The following ZNF148 variants were observed in gnomAD, a reference collection of about 807,000 sequenced individuals.
The protein encoded by ZNF148 is Beta-Enolase Repressor Factor-1.
ZNF148 carries 7 observed loss-of-function variants against 67.7 expected under a neutral mutation model. The ratio of observed to expected loss-of-function variants is 0.10; its 90% confidence interval spans 0.06 to 0.19. The LOEUF (loss-of-function observed/expected upper bound fraction) is 0.19. ZNF148 is among the 10% of genes least tolerant of loss of function. ZNF148 has a pLI of 1.00. For missense variants in ZNF148, 583 were observed against 947.1 expected, an observed-to-expected ratio of 0.62 and a Z score of 5.05; for synonymous variants, 333 against 330.7, an observed-to-expected ratio of 1.01 and a Z score of -0.08.
At chr3:125,368,675 T>C (rs1579920180) in intron 1 of ZNF148, among the ~76,000 whole-genome samples, 1 of 151,980 alleles carries the variant, frequency 6.6e-6, no homozygotes, top group Admixed American at 6.6e-5. Flanking sequence ...CCGGGTGTGA[T>C]GACTCATGCC....
intron 7 of ZNF148, among the ~76,000 whole-genome samples, chr3:125,244,845 C>A (rs1006598966): frequency 4.6e-5 from 7 of 152,060 alleles, no homozygotes; most frequent in Admixed American, 1.3e-4. Context: ...CAAAGTGATC[C>A]CTTTCTTTTT....
chr3:125,244,435 CAAA>C (rs1187012633), intron 7 of ZNF148, among the ~76,000 whole-genome samples: 1 of 152,152 alleles, frequency 6.6e-6, no homozygotes, highest in East Asian at 1.9e-4. Context: ...CCCACCATAT[CAAA>C]ATGGTTCTTG....
At chr3:125,319,051 C>A (rs1170117708) in intron 3 of ZNF148, among the ~76,000 whole-genome samples, 1 of 152,006 alleles carries the variant, frequency 6.6e-6, no homozygotes, top group East Asian at 1.9e-4. Flanking sequence ...GTGTTTAGTT[C>A]AGCTGTGTAA....
intron 7 of ZNF148, among the ~76,000 whole-genome samples, chr3:125,258,721 T>G (rs1431520763): frequency 3.3e-5 from 5 of 152,206 alleles, no homozygotes; most frequent in African/African-American, 1.2e-4. Flanking sequence ...GTAGTAAACT[T>G]TTATTTTAAG....
At position 125,303,097 on chromosome 3, in the gene ZNF148, AAT is replaced by A. The variant is rs1939681973; in HGVS notation, c.333+10209_333+10210del. Among the ~76,000 whole-genome samples the A allele has an allele frequency of 8.5e-5, 13 of 152,354 alleles. No individual in the cohort carries two copies. In the South Asian group the frequency reaches 2.7e-3, roughly 32 times the overall value. ...CAAGAGCATTACGTTGAGTGAAAAA[AAT>A]AGTCAATTCCAAAAGGTCACATCCT... On this transcript the variant is annotated intron_variant, in intron 4 of 8. Transcript: ENST00000360647.
At chr3:125,369,098 C>A (rs924727712) in intron 1 of ZNF148, among the ~76,000 whole-genome samples, 1 of 151,350 alleles carries the variant, frequency 6.6e-6, no homozygotes, top group African/African-American at 2.4e-5. Context: ...CGTGTCTCTA[C>A]TTAAAATACA....
At chr3:125,351,380 CAAAAAAAAAAAA>C (rs1158167448) in intron 1 of ZNF148, among the ~76,000 whole-genome samples, 1 of 51,340 alleles carries the variant, frequency 1.9e-5, no homozygotes, top group East Asian at 6.8e-4. Context: ...CCTTGTTTCT[CAAAAAAAAAAAA>C]AAAAAAAAAA....
At chr3:125,296,266 C>T (rs981865936) in intron 4 of ZNF148, among the ~76,000 whole-genome samples, 1 of 152,020 alleles carries the variant, frequency 6.6e-6, no homozygotes, top group Non-Finnish European at 1.5e-5. Context: ...GGACTACAGA[C>T]ATGTACCACC....
At chr3:125,333,882 A>C (rs1447134833) in intron 1 of ZNF148, among the ~76,000 whole-genome samples, 1 of 152,230 alleles carries the variant, frequency 6.6e-6, no homozygotes, top group African/African-American at 2.4e-5. Context: ...AAATATCCTA[A>C]ATCAAACCAC....
chr3:125,328,400 C>T (rs1241611101), intron 2 of ZNF148, among the ~76,000 whole-genome samples: 2 of 151,982 alleles, frequency 1.3e-5, no homozygotes, highest in African/African-American at 4.8e-5. Context: ...TGACAAGAGG[C>T]TCACAAAGAA....
chr3:125,292,876 G>A (rs1393193721), intron 4 of ZNF148: 1 of 152,046 alleles, frequency 6.6e-6, no homozygotes, highest in East Asian at 1.9e-4. Context: ...TTTTACAGAG[G>A]CTAATTAAAA....
At chr3:125,287,998 A>G in intron 5 of ZNF148, 105 bp downstream of exon 5, 1 of 1,533,984 alleles carries the variant, frequency 6.5e-7, no homozygotes, top group East Asian at 2.3e-5. Context: ...TAAACCACAC[A>G]AGACTTCTAC....
Position 125,232,622 on chromosome 3 carries a change from T to C in ZNF148, c.2104A>G (p.Thr702Ala). Reference protein sequence around the residue: ...DETNHASATSTQDFLDQVTSQ... With the variant: ...DETNHASATSAQDFLDQVTSQ... ...GTCACTTGATCCAGAAAGTCCTGTG[T>C]TGATGTGGCAGAAGCATGGTTTGTC... Residue 702 changes from threonine to alanine, a missense_variant, in exon 9 of 9, where the codon ACA (threonine) becomes GCA (alanine). Physicochemically the swap from Thr to Ala is moderately conservative, Grantham distance 58. Around this residue, in one of 5 missense-constraint regions of ZNF148, gnomAD observed 158 missense variants for 208.4 expected, o/e 0.76. Coordinates refer to ENST00000360647, the MANE Select transcript of ZNF148 (RefSeq NM_021964.3). The surrounding 1 kb of genome is among the most constrained non-coding windows in gnomAD (Gnocchi z 4.2). The C allele has an allele frequency of 3.7e-6, 6 of 1,613,818 alleles. No individual in the cohort carries two copies. Among genetic ancestry groups the C allele is most frequent in the Non-Finnish European group, 5.1e-6 (6 of 1,179,782 alleles).
intron 7 of ZNF148, among the ~76,000 whole-genome samples, chr3:125,264,792 C>T (rs967840811): frequency 1.5e-4 from 23 of 152,138 alleles, no homozygotes; most frequent in African/African-American, 5.6e-4. Context: ...ATATACTTTG[C>T]TAGAGTATGA....
At chr3:125,287,285 T>C (rs958249630) in intron 5 of ZNF148, among the ~76,000 whole-genome samples, 2 of 151,414 alleles carry the variant, frequency 1.3e-5, no homozygotes, top group Admixed American at 1.3e-4. Context: ...CTGCAGAGAG[T>C]TCAGAGAATT....
At chr3:125,256,937 G>C (rs1481391880) in intron 7 of ZNF148, among the ~76,000 whole-genome samples, 5 of 123,386 alleles carry the variant, frequency 4.1e-5, no homozygotes, top group African/African-American at 1.5e-4. Context: ...TTTTATATCA[G>C]TTATTATGTT....
intron 7 of ZNF148, among the ~76,000 whole-genome samples, chr3:125,264,278 T>A (rs1434605840): frequency 6.6e-6 from 1 of 152,204 alleles, no homozygotes; most frequent in Non-Finnish European, 1.5e-5. Context: ...AGGCCTAAAC[T>A]TGTGATTGGC....
intron 4 of ZNF148, among the ~76,000 whole-genome samples, chr3:125,293,351 G>T (rs1037053483): frequency 6.6e-6 from 1 of 152,082 alleles, no homozygotes; most frequent in Admixed American, 6.6e-5. Flanking sequence ...GTGCATGTGT[G>T]GGTTAGTAGA....
rs1935725353 is a variant in ZNF148 at position 125,228,470 on chromosome 3, T to C, written c.*3871A>G. 1 of 152,630 alleles carries C rather than the reference T, an allele frequency of 6.6e-6. No individual in the cohort carries two copies. The highest frequency in any genetic ancestry group is 1.5e-5 in the Non-Finnish European group (1 of 68,014). The allele number at this position is 152,630 out of a possible 1,614,324, so 9.5% of individuals were successfully genotyped here. Reference sequence around the variant, plus strand: ...TATTAAATGAAATAAGGATAATTAATAACTCTGAAATGTTTTTAGAACTTT... The same window carrying C: ...TATTAAATGAAATAAGGATAATTAACAACTCTGAAATGTTTTTAGAACTTT... On this transcript the variant is annotated 3_prime_UTR_variant, in exon 9 of 9. Coordinates refer to ENST00000360647, the MANE Select transcript of ZNF148 (RefSeq NM_021964.3).
Sources: gnomAD v4.1 joint callset for allele counts (sites outside exome capture counted in the v4.1 genomes callset) on GRCh38, gnomAD v4.1.1 for gene constraint, gnomAD v4.1.1 regional missense constraint, Gnocchi (gnomAD v3.1) non-coding constraint, MANE v1.5 for transcripts, NCBI Gene and HGNC (gene_info 2026-07-23, HGNC 2026-07-21) for gene names.